NUCKS1: variants seen among roughly 807,000 people sequenced by gnomAD.
NUCKS1 encodes nuclear ubiquitous casein and cyclin-dependent kinase substrate 1.
A neutral mutation model predicts 33.0 loss-of-function variants in NUCKS1; 2 were observed. The ratio of observed to expected loss-of-function variants is 0.06; its 90% CI spans 0.02 to 0.19. The LOEUF is 0.19. Among genes scored for constraint, NUCKS1 ranks in the 10% least tolerant of loss-of-function variants. The probability of loss-of-function intolerance (pLI) is 1.00; values close to 1 mark genes in which losing one functional copy is unlikely to be tolerated. For synonymous variants in NUCKS1, 106 were observed against 102.8 expected, an observed-to-expected ratio of 1.03 and a Z score of -0.19; for missense variants, 201 against 293.6, an observed-to-expected ratio of 0.68 and a Z score of 2.31.
At chr1:205,737,186 CCTCCTCTTCCTATT>C (rs1654053074) in intron 1 of NUCKS1, among the ~76,000 whole-genome samples, 1 of 152,050 alleles carries the variant, frequency 6.6e-6, no homozygotes, top group Non-Finnish European at 1.5e-5. Flanking sequence ...GGATTATGAC[CCTCCTCTTCCTATT>C]CTACTCTATA....
intron 1 of NUCKS1, among the ~76,000 whole-genome samples, chr1:205,747,876 T>C (rs1036563332): frequency 6.6e-6 from 1 of 152,222 alleles, no homozygotes; most frequent in African/African-American, 2.4e-5. Context: ...AGTTTAATTA[T>C]TTCTGCTTTA....
rs751541471 is a variant in NUCKS1 at position 205,718,334 on chromosome 1, GGGT to G, written c.675_677del (p.Pro226del). 3.1e-6 allele frequency: 5 copies of G among 1,612,688 alleles called. No homozygotes were observed. Among genetic ancestry groups the G allele is most frequent in the Non-Finnish European group, 4.2e-6 (5 of 1,179,860 alleles). On this transcript the variant is annotated inframe_deletion, in exon 7 of 7. Coordinates refer to ENST00000367142, the MANE Select transcript of NUCKS1 (RefSeq NM_022731.5). ...CAGACCCTTCATCCCCAGATTTCTC[GGGT>G]GGGGGGCTTGTAGATGTTTTCTTTT...
rs2102454627 is a variant in NUCKS1, at chr1:205,750,107, T to TCA, written c.-136_-135dup. ...TGCCGAACCCCGAGCTGCTGGCTTCTCAAACTCCGCTGCTCTTTGGTTCAG... is the reference window on the plus strand; with the variant it reads ...TGCCGAACCCCGAGCTGCTGGCTTCTCACAAACTCCGCTGCTCTTTGGTTCAG... On this transcript the variant is annotated 5_prime_UTR_variant, in exon 1 of 7. Transcript: ENST00000367142. 3.6e-6 allele frequency: 3 copies of TCA among 834,988 alleles called. No individual in the cohort carries two copies. The highest frequency in any genetic ancestry group is 5.6e-6 in the Non-Finnish European group (3 of 539,468). The allele number at this position is 834,988 out of a possible 1,614,324, so 51.7% of individuals were successfully genotyped here.
intron 1 of NUCKS1, among the ~76,000 whole-genome samples, chr1:205,730,633 C>T (rs1358766333): frequency 2.0e-5 from 3 of 151,802 alleles, no homozygotes; most frequent in African/African-American, 7.3e-5. Flanking sequence ...AGATTACAGG[C>T]GTGTGCCACC....
chr1:205,738,192 CT>C (rs554621086), intron 1 of NUCKS1, among the ~76,000 whole-genome samples: 79 of 151,970 alleles, frequency 5.2e-4, no homozygotes, highest in African/African-American at 1.8e-3. Context: ...TGCCCGGCTA[CT>C]TTTTTTGTAT....
chr1:205,746,443 TCTCTCTCTCTCA>T (rs1553253302), intron 1 of NUCKS1, among the ~76,000 whole-genome samples: 4,238 of 70,140 alleles, frequency 0.06, 71 homozygotes, highest in Non-Finnish European at 0.081. Context: ...CACTTCTCTC[TCTCTCTCTCTCA>T]CACACACACA....
At chr1:205,741,297 C>CAAAAAA (rs56979923) in intron 1 of NUCKS1, among the ~76,000 whole-genome samples, 51 of 78,888 alleles carry the variant, frequency 6.5e-4, no homozygotes, top group South Asian at 9.2e-4. Context: ...GAGACTGTCT[C>CAAAAAA]AAAAAAAAAA....
intron 1 of NUCKS1, among the ~76,000 whole-genome samples, chr1:205,730,752 G>A (rs1247981179): frequency 6.6e-6 from 1 of 151,880 alleles, no homozygotes; most frequent in Non-Finnish European, 1.5e-5. Flanking sequence ...CAAAGTGCTG[G>A]GATTACAGGC....
chr1:205,749,611 A>C (rs956758022), intron 1 of NUCKS1, among the ~76,000 whole-genome samples: 10 of 151,714 alleles, frequency 6.6e-5, no homozygotes, highest in African/African-American at 2.2e-4. Context: ...GACGGCCCCG[A>C]GGAGGTGGGG....
At chr1:205,722,287 GCTCTTCTTGCT>G in intron 4 of NUCKS1, among the ~76,000 whole-genome samples, 1 of 151,932 alleles carries the variant, frequency 6.6e-6, no homozygotes, top group Non-Finnish European at 1.5e-5. Context: ...ATGGAGTTTT[GCTCTTCTTGCT>G]TAGGCTGGAG....
rs376851129 is a variant in NUCKS1, at chr1:205,742,647, A to G, written c.17+7310T>C. On this transcript the variant is annotated intron_variant, in intron 1 of 6. Transcript: ENST00000367142. ...AGACCATCCTGGCCAACACGGTGAAACCCCGTCTCTACTAAAAATACTAAA... is the reference window on the plus strand; with the variant it reads ...AGACCATCCTGGCCAACACGGTGAAGCCCCGTCTCTACTAAAAATACTAAA... Among the ~76,000 whole-genome samples the G allele has an allele frequency of 6.6e-5, 10 of 151,950 alleles. 1 individual carries two copies. In the East Asian group the frequency reaches 1.9e-3, roughly 29 times the overall value.
At chr1:205,742,528 A>ACTGG (rs1654203733) in intron 1 of NUCKS1, among the ~76,000 whole-genome samples, 3 of 152,192 alleles carry the variant, frequency 2.0e-5, no homozygotes, top group African/African-American at 7.2e-5. Context: ...TAAAAAATAA[A>ACTGG]AGGTTTCCTC....
chr1:205,738,767 G>A (rs1055515687), intron 1 of NUCKS1, among the ~76,000 whole-genome samples: 1 of 152,122 alleles, frequency 6.6e-6, no homozygotes, highest in Non-Finnish European at 1.5e-5. Flanking sequence ...TTAGCTGGGT[G>A]TGGTGGCATG....
intron 5 of NUCKS1, 30 bp downstream of exon 5, chr1:205,720,471 A>G (rs1239945344): frequency 6.3e-7 from 1 of 1,597,070 alleles, no homozygotes; most frequent in South Asian, 1.1e-5. Context: ...ATGACCAAAC[A>G]ACCAAAGTAC....
In NUCKS1 at chr1:205,717,254, A is replaced by AT; in HGVS notation, c.*1025dup. The AT allele has an allele frequency of 1.1e-6, 1 of 940,672 alleles. No individual in the cohort carries two copies. The highest frequency in any genetic ancestry group is 1.3e-6 in the Non-Finnish European group (1 of 787,430). 58.3% of individuals were successfully genotyped at this position (940,672 alleles called of 1,614,324 possible). ...TATAGCATAAAAGAATGTCAATTCT[A>AT]TTTCATAAAGGAAAAATCTCAACTC... On this transcript the variant is annotated 3_prime_UTR_variant, in exon 7 of 7. Transcript: ENST00000367142.
At position 205,713,581 on chromosome 1, in the gene NUCKS1, A is replaced by G. The variant is rs1019957014; in HGVS notation, c.*4699T>C. 1 of 152,222 alleles carries G rather than the reference A, an allele frequency of 6.6e-6. No individual in the cohort carries two copies. The highest frequency in any genetic ancestry group is 1.5e-5 in the Non-Finnish European group (1 of 68,040). The allele number at this position is 152,222 out of a possible 1,614,324, so 9.4% of individuals were successfully genotyped here. ...CATGTTGCATCTGTAATTCACGAAC[A>G]TGGTCAACAAAATCATGTTCACTTC... On this transcript the variant is annotated 3_prime_UTR_variant, in exon 7 of 7. Coordinates refer to ENST00000367142, the MANE Select transcript of NUCKS1 (RefSeq NM_022731.5).
Position 205,718,235 on chromosome 1 carries a change from T to C in NUCKS1, c.*45A>G. The C allele has an allele frequency of 1.1e-6, 1 of 930,756 alleles. No homozygotes were observed. Among genetic ancestry groups the C allele is most frequent in the South Asian group, 1.6e-5 (1 of 63,190 alleles). The allele number at this position is 930,756 out of a possible 1,614,324, so 57.7% of individuals were successfully genotyped here. On this transcript the variant is annotated 3_prime_UTR_variant, in exon 7 of 7. Transcript: ENST00000367142. ...TTTCCTCCCTCTTTTTTCTTTTTTT[T>C]TCTTTTTTTTTTTAATAAAATCTCT... is the stretch of plus-strand genomic sequence containing the variant.
At chr1:205,748,027 C>A (rs1356909286) in intron 1 of NUCKS1, among the ~76,000 whole-genome samples, 1 of 150,240 alleles carries the variant, frequency 6.7e-6, no homozygotes, top group African/African-American at 2.4e-5. Flanking sequence ...AACATATTAA[C>A]TTCACTCTTC....
chr1:205,712,872 T>C lies in NUCKS1; in HGVS notation c.*5408A>G, dbSNP rs1016441947. 1 of 152,220 alleles carries C rather than the reference T, an allele frequency of 6.6e-6. No homozygotes were observed. Among genetic ancestry groups the C allele is most frequent in the African/African-American group, 2.4e-5 (1 of 41,450 alleles). The allele number at this position is 152,220 out of a possible 1,614,324, so 9.4% of individuals were successfully genotyped here. ...TATATATGATTGTTAAACTTTGCTT[T>C]CCACAACACTTCATAACCTTGGATG... On this transcript the variant is annotated 3_prime_UTR_variant, in exon 7 of 7. Transcript: ENST00000367142.
Sources: gnomAD v4.1 joint callset for allele counts (sites outside exome capture counted in the v4.1 genomes callset) on GRCh38, gnomAD v4.1.1 for gene constraint, MANE v1.5 for transcripts, NCBI Gene and HGNC (gene_info 2026-07-23, HGNC 2026-07-21) for gene names.